The following PTPRN2 variants were observed in gnomAD, a reference collection of about 807,000 sequenced individuals.
The protein encoded by PTPRN2 is protein tyrosine phosphatase receptor type N2.
PTPRN2 carries 74 observed loss-of-function variants against 118.8 expected under a neutral mutation model. The ratio of observed to expected loss-of-function variants is 0.62; its 90% CI spans 0.52 to 0.76. The LOEUF (loss-of-function observed/expected upper bound fraction) is 0.76, where lower values mean the gene tolerates loss of function less well. Among genes scored for constraint, PTPRN2 ranks in the 30% least tolerant of loss-of-function variants. The pLI, the probability that PTPRN2 is intolerant of heterozygous loss-of-function variation, is 0.00. For missense variants in PTPRN2, 1,481 were observed against 1,394.4 expected (o/e 1.06, Z -0.99); for synonymous variants, 641 against 608.0 (o/e 1.05, Z -0.80).
chr7:157,856,748 G>T (rs1424261699), intron 12 of PTPRN2, among the ~76,000 whole-genome samples: 2 of 152,150 alleles, frequency 1.3e-5, no homozygotes, highest in African/African-American at 4.8e-5. Flanking sequence ...TGACCTGCTG[G>T]TTCCCTCACC....
At chr7:157,910,185 C>T (rs971938504) in intron 11 of PTPRN2, among the ~76,000 whole-genome samples, 7 of 152,338 alleles carry the variant, frequency 4.6e-5, no homozygotes, top group African/African-American at 1.4e-4. Flanking sequence ...CACGCATGTA[C>T]GCCGTGGGAA....
At chr7:157,998,501 A>G (rs1237124410) in intron 11 of PTPRN2, among the ~76,000 whole-genome samples, 1 of 152,176 alleles carries the variant, frequency 6.6e-6, no homozygotes, top group Non-Finnish European at 1.5e-5. Flanking sequence ...GACAGAGTCT[A>G]AATGTAGACC....
intron 2 of PTPRN2, among the ~76,000 whole-genome samples, chr7:158,342,335 C>G (rs868596832): frequency 9.8e-5 from 9 of 91,388 alleles, no homozygotes; most frequent in South Asian, 3.1e-4. Flanking sequence ...ACCATAAGAG[C>G]TGACACCTGC....
chr7:157,617,391 G>C lies in PTPRN2; in HGVS notation c.2344+3971C>G, dbSNP rs532023998. Reference sequence around the variant, plus strand: ...AGCTGCAGCGCAGAGCACGGGCGACGCTGGCTCACGATGCCCCAGTGATGC... The same window carrying C: ...AGCTGCAGCGCAGAGCACGGGCGACCCTGGCTCACGATGCCCCAGTGATGC... On this transcript the variant is annotated intron_variant, in intron 15 of 22. Transcript: ENST00000389418. This position sits in a 1 kb window ranked among gnomAD's most constrained non-coding sequence, Gnocchi z 7.5. The C allele has an allele frequency of 9.0e-3, 1,324 of 147,770 alleles. 17 individuals carry two copies. Among genetic ancestry groups the C allele is most frequent in the African/African-American group, 0.032 (1,258 of 39,096 alleles). The allele number at this position is 147,770 out of a possible 1,614,324, so 9.2% of individuals were successfully genotyped here. A position where few individuals can be genotyped will look rare whatever the true frequency, so the allele number is the denominator to read the frequency against.
At chr7:158,249,236 T>A (rs1585979309) in intron 3 of PTPRN2, among the ~76,000 whole-genome samples, 1 of 151,010 alleles carries the variant, frequency 6.6e-6, no homozygotes, top group African/African-American at 2.4e-5. Context: ...CATACACGTA[T>A]CTACCACACA....
intron 2 of PTPRN2, among the ~76,000 whole-genome samples, chr7:158,441,030 A>G (rs1817028544): frequency 8.5e-6 from 1 of 117,362 alleles, no homozygotes; most frequent in Non-Finnish European, 1.8e-5. Flanking sequence ...GGTGGTGGTG[A>G]CAGTGGTAGT....
intron 22 of PTPRN2, 69 bp from the exon 23 acceptor site, chr7:157,540,854 C>T: frequency 7.8e-7 from 1 of 1,289,338 alleles, no homozygotes. Flanking sequence ...ACAGCGTCGG[C>T]TCCCTGCAGA....
chr7:157,912,691 A>G (rs1798167118), intron 11 of PTPRN2, among the ~76,000 whole-genome samples: 1 of 152,154 alleles, frequency 6.6e-6, no homozygotes, highest in Non-Finnish European at 1.5e-5. Context: ...GATTCAAGGT[A>G]GAGGTCATTT....
chr7:158,035,122 A>T (rs949572971), intron 11 of PTPRN2, among the ~76,000 whole-genome samples: 7 of 152,256 alleles, frequency 4.6e-5, no homozygotes, highest in African/African-American at 1.7e-4. Flanking sequence ...CCCAGTGTGG[A>T]TAGTCAGTGT....
At chr7:158,146,699 C>T (rs186905024) in intron 6 of PTPRN2, among the ~76,000 whole-genome samples, 6,744 of 131,450 alleles carry the variant, frequency 0.051, 476 homozygotes, top group African/African-American at 0.1. Context: ...CCAGCCTGGG[C>T]GACAGAGCGA....
chr7:158,412,312 C>T (rs374186980), intron 2 of PTPRN2, among the ~76,000 whole-genome samples: 4 of 104,742 alleles, frequency 3.8e-5, no homozygotes, highest in Non-Finnish European at 3.8e-5. Context: ...GCCCATCCAG[C>T]GCCCTCCTCA....
chr7:158,332,126 C>G (rs1804597741), intron 2 of PTPRN2, among the ~76,000 whole-genome samples: 1 of 150,172 alleles, frequency 6.7e-6, no homozygotes, highest in Non-Finnish European at 1.5e-5. Flanking sequence ...CACTCACACC[C>G]ATACTCCCAC....
Position 157,785,790 on chromosome 7 carries a change from G to A in PTPRN2, c.1789-102853C>T, listed in dbSNP as rs1173799638. On this transcript the variant is annotated intron_variant, in intron 12 of 22. Coordinates refer to ENST00000389418, the MANE Select transcript of PTPRN2 (RefSeq NM_002847.5). This position sits in a 1 kb window ranked among gnomAD's most constrained non-coding sequence, Gnocchi z 7.3. ...CACAGTCTAGCAGCTGCCACGCCCGGCTGGGAGCTGAGACGCGCAGGGGGC... is the reference window on the plus strand; with the variant it reads ...CACAGTCTAGCAGCTGCCACGCCCGACTGGGAGCTGAGACGCGCAGGGGGC... Among the ~76,000 whole-genome samples, 2 of 152,172 alleles carry A rather than the reference G, an allele frequency of 1.3e-5. No homozygotes were observed. The highest frequency in any genetic ancestry group is 1.5e-5 in the Non-Finnish European group (1 of 68,022).
chr7:158,060,598 T>G (rs1810256935), intron 11 of PTPRN2, among the ~76,000 whole-genome samples: 2 of 152,358 alleles, frequency 1.3e-5, no homozygotes, highest in African/African-American at 4.8e-5. Context: ...AAGATCCTAT[T>G]TCCAAATAAG....
chr7:158,131,418 A>C (rs1818272469), intron 9 of PTPRN2, among the ~76,000 whole-genome samples: 1 of 81,738 alleles, frequency 1.2e-5, no homozygotes, highest in African/African-American at 7.4e-5. Context: ...ATACACATCT[A>C]CCCAACACAC....
At chr7:158,351,890 G>GCCTCCTGTCCGCTCC (rs1329450258) in intron 2 of PTPRN2, among the ~76,000 whole-genome samples, 2 of 31,686 alleles carry the variant, frequency 6.3e-5, no homozygotes, top group Non-Finnish European at 1.6e-4. Context: ...CTGTCTGCTC[G>GCCTCCTGTCCGCTCC]CCTCCTGTCC....
intron 6 of PTPRN2, among the ~76,000 whole-genome samples, chr7:158,142,727 T>C (rs1819505358): frequency 6.6e-6 from 1 of 151,978 alleles, no homozygotes; most frequent in African/African-American, 2.4e-5. Context: ...GGAAAATACA[T>C]CTCACTTTCT....
chr7:158,164,024 T>C (rs547544502), intron 6 of PTPRN2, among the ~76,000 whole-genome samples: 1 of 152,230 alleles, frequency 6.6e-6, no homozygotes. Flanking sequence ...TATCAGAATA[T>C]CACCAGCATC....
intron 3 of PTPRN2, among the ~76,000 whole-genome samples, chr7:158,246,366 GGCTT>G (rs1481648426): frequency 2.6e-5 from 4 of 151,668 alleles, no homozygotes; most frequent in Non-Finnish European, 4.4e-5. Flanking sequence ...GAGAAACAGA[GGCTT>G]AAAGATTTGG....
Sources: allele counts gnomAD v4.1 joint callset (sites outside exome capture counted in the v4.1 genomes callset), GRCh38; gene constraint gnomAD v4.1.1; non-coding constraint Gnocchi (gnomAD v3.1); transcripts MANE v1.5; gene names NCBI Gene and HGNC (gene_info 2026-07-23, HGNC 2026-07-21).